EPN1: variants seen among roughly 807,000 people sequenced by gnomAD.
EPN1 encodes the protein epsin-1.
EPN1 carries 25 observed loss-of-function variants against 56.9 expected under a neutral mutation model. That is an observed-to-expected ratio of 0.44 (90% CI 0.32 to 0.61). EPN1 has a LOEUF of 0.61. EPN1 is among the 20% of genes least tolerant of loss of function. EPN1 has a pLI of 0.05. For synonymous variants in EPN1, 411 were observed against 361.8 expected, an observed-to-expected ratio of 1.14 and a Z score of -1.54; for missense variants, 785 against 823.7, an observed-to-expected ratio of 0.95 and a Z score of 0.58.
In EPN1 at chr19:55,698,040, T is replaced by C. The variant is rs909875334; in HGVS notation, c.*2684T>C. On this transcript the variant is annotated 3_prime_UTR_variant, in exon 11 of 11. Coordinates refer to ENST00000270460, the MANE Select transcript of EPN1 (RefSeq NM_001130072.2). The stretch of plus-strand genomic sequence containing the variant: ...CCGGGGGTTTTCGGCTAAACCCACC[T>C]AGCAGGATTCTTGCTGAAGGCAGGC... The C allele has an allele frequency of 1.3e-5, 2 of 148,896 alleles. No homozygotes were observed. Among genetic ancestry groups the C allele is most frequent in the African/African-American group, 5.0e-5 (2 of 40,106 alleles). 9.2% of individuals were successfully genotyped at this position (148,896 alleles called of 1,614,324 possible). A position where few individuals can be genotyped will look rare whatever the true frequency, so the allele number is the denominator to read the frequency against.
intron 6 of EPN1, among the ~76,000 whole-genome samples, chr19:55,690,973 A>C (rs1986504770): frequency 6.6e-6 from 1 of 151,750 alleles, no homozygotes; most frequent in Non-Finnish European, 1.5e-5. Context: ...CCTGCCCTGG[A>C]CTCAGCTCTT....
In EPN1 at chr19:55,678,518, C is replaced by G; in HGVS notation, c.-101-9C>G. ...ATTTGTGTTTCCAGAGGTCCTCTTC[C>G]CCTCGCAGATGCGGTGACCTGCCAG... On this transcript the variant is annotated splice_polypyrimidine_tract_variant and intron_variant, in intron 1 of 10. Transcript: ENST00000270460. 1 of 1,536,994 alleles carries G rather than the reference C, an allele frequency of 6.5e-7. No individual in the cohort carries two copies. The highest frequency in any genetic ancestry group is 1.4e-5 in the African/African-American group (1 of 73,098).
Position 55,689,540 on chromosome 19 carries a change from C to A in EPN1, c.678+169C>A, listed in dbSNP as rs1424209572. 1.3e-5 allele frequency among the ~76,000 whole-genome samples: 2 copies of A among 152,214 alleles called. No individual in the cohort carries two copies. Among genetic ancestry groups the A allele is most frequent in the Non-Finnish European group, 2.9e-5 (2 of 68,050 alleles). ...GTAGGATGTAGGACCACAAGTCAGA[C>A]AGAGCCTGGGTGGTGGCCAGCACAG... is the stretch of plus-strand genomic sequence containing the variant. On this transcript the variant is annotated intron_variant, in intron 5 of 10. Coordinates refer to ENST00000270460, the MANE Select transcript of EPN1 (RefSeq NM_001130072.2). The surrounding 1 kb of genome is among the most constrained non-coding windows in gnomAD (Gnocchi z 5.7).
rs1987391645 is a variant in EPN1 at position 55,706,153 on chromosome 19, T to TCCTC, written c.*10799_*10802dup. ...GAGAACTTTGATTTCTTCTTCCTCC[T>TCCTC]CCTCCTCTCTTTTCTTCTTCCTCTT... On this transcript the variant is annotated 3_prime_UTR_variant, in exon 11 of 11. Coordinates refer to ENST00000270460, the MANE Select transcript of EPN1 (RefSeq NM_001130072.2). The TCCTC allele has an allele frequency of 5.2e-6, 1 of 191,114 alleles. No homozygotes were observed. The allele number at this position is 191,114 out of a possible 1,614,324, so 11.8% of individuals were successfully genotyped here.
rs1986673394 is a variant in EPN1 at position 55,692,986 on chromosome 19, T to C, written c.1213T>C (p.Ser405Pro). The change falls in exon 9 of 11, where the codon TCT becomes CCT. Residue 405 changes from serine (S) to proline (P), a missense_variant. By Grantham distance (74) the Ser-to-Pro change is moderately conservative. This residue lies in a region of EPN1 where 650 missense variants were observed against 605.0 expected (regional missense o/e 1.07). Transcript: ENST00000270460. ...GGFDTEPDEF[S>P]DFDRLRTALP... ...ATTCGACACGGAGCCCGACGAGTTC[T>C]CTGACTTTGACCGACTCCGCACGGC... 4.3e-6 allele frequency: 7 copies of C among 1,613,482 alleles called. No individual in the cohort carries two copies. In the East Asian group the frequency reaches 1.6e-4, roughly 36 times the overall value.
At chr19:55,677,290 G>T in intron 1 of EPN1, 1 of 912,494 alleles carries the variant, frequency 1.1e-6, no homozygotes, top group South Asian at 1.4e-5. Flanking sequence ...TATGAATCAT[G>T]GGGTTGTTTC....
intron 2 of EPN1, among the ~76,000 whole-genome samples, 154 bp from the exon 3 acceptor site, chr19:55,685,242 G>A (rs371489421): frequency 5.3e-5 from 8 of 152,260 alleles, no homozygotes; most frequent in Non-Finnish European, 8.8e-5. Flanking sequence ...TGGCCGTGTC[G>A]TATTCTGTGG....
chr19:55,691,786 G>A lies in EPN1; in HGVS notation c.795G>A (p.Thr265=), dbSNP rs746252779. The part of the protein sequence containing the change: ...SSLMDLADVF[T]APAPAPTTDP... ...TCATGGACCTTGCTGACGTCTTCACGGCCCCAGCTCCTGCCCCGACCACAG... is the reference window on the plus strand; with the variant it reads ...TCATGGACCTTGCTGACGTCTTCACAGCCCCAGCTCCTGCCCCGACCACAG... The change falls in exon 7 of 11, where the codon ACG becomes ACA. Residue 265 remains threonine, a synonymous_variant. Coordinates refer to ENST00000270460, the MANE Select transcript of EPN1 (RefSeq NM_001130072.2). The surrounding 1 kb of genome is among the most constrained non-coding windows in gnomAD (Gnocchi z 5.6). The A allele has an allele frequency of 9.9e-6, 16 of 1,612,534 alleles. No homozygotes were observed. The South Asian group carries it at 1.6e-4, about 17-fold the overall frequency.
In EPN1 at chr19:55,689,940, G is replaced by A. The variant is rs1195937289; in HGVS notation, c.752G>A (p.Gly251Asp). 1.2e-6 allele frequency: 2 copies of A among 1,601,054 alleles called. No homozygotes were observed. Among genetic ancestry groups the A allele is most frequent in the Admixed American group, 1.7e-5 (1 of 58,064 alleles). Residue 251 changes from glycine to aspartate, a missense_variant, in exon 6 of 11, where the codon GGC becomes GAC. By Grantham distance (94) the Gly-to-Asp change is moderately conservative. Coordinates refer to ENST00000270460, the MANE Select transcript of EPN1 (RefSeq NM_001130072.2). The surrounding 1 kb of genome is among the most constrained non-coding windows in gnomAD (Gnocchi z 5.7). ...GAGGAGAGCAAGAGGGAGACTGGGGGCAAGGAGGAGGTGAGCGGGGCTTGT... is the reference window on the plus strand; with the variant it reads ...GAGGAGAGCAAGAGGGAGACTGGGGACAAGGAGGAGGTGAGCGGGGCTTGT... ...AIEESKRETG[G>D]KEESSLMDLA...
intron 1 of EPN1, chr19:55,677,638 G>A: frequency 6.4e-7 from 1 of 1,551,644 alleles, no homozygotes; most frequent in South Asian, 1.2e-5. Context: ...CCCAGGCAGT[G>A]GGGCTGTTAG....
rs763683773 is a variant in EPN1, at chr19:55,694,859, C to T, written c.1398C>T (p.Pro466=). 1 of 1,608,032 alleles carries T rather than the reference C, an allele frequency of 6.2e-7. No homozygotes were observed. The highest frequency in any genetic ancestry group is 1.3e-5 in the African/African-American group (1 of 74,796). Residue 466 remains proline, a synonymous_variant, in exon 10 of 11, where the codon CCC becomes CCT. Transcript: ENST00000270460. This position sits in a 1 kb window ranked among gnomAD's most constrained non-coding sequence, Gnocchi z 4.2. The part of the protein sequence containing the change: ...PPAATPTPTP[P]TRKTPESFLG... ...CAGCCACACCAACTCCCACGCCCCC[C>T]ACCCGGAAGACGCCGGAGTCATTCC...
chr19:55,690,338 C>T (rs759328903), intron 6 of EPN1, among the ~76,000 whole-genome samples: 6 of 152,254 alleles, frequency 3.9e-5, no homozygotes, highest in Non-Finnish European at 5.9e-5. Context: ...GGTGCCAGGC[C>T]GTGTGCTGCA....
chr19:55,692,523 C>T (rs1310200101), intron 7 of EPN1, 163 bp from the exon 8 acceptor site: 6 of 503,872 alleles, frequency 1.2e-5, no homozygotes, highest in Non-Finnish European at 2.1e-5. Context: ...GCAGAGAAGC[C>T]CAGTTGGAAT....
At position 55,675,227 on chromosome 19, in the gene EPN1, T is replaced by G. The variant is rs1020364093; in HGVS notation, c.-310T>G. 1.3e-5 allele frequency: 2 copies of G among 151,964 alleles called. No individual in the cohort carries two copies. Among genetic ancestry groups the G allele is most frequent in the African/African-American group, 4.8e-5 (2 of 41,406 alleles). 9.4% of individuals were successfully genotyped at this position (151,964 alleles called of 1,614,324 possible). A position where few individuals can be genotyped will look rare whatever the true frequency, so the allele number is the denominator to read the frequency against. On this transcript the variant is annotated 5_prime_UTR_variant, in exon 1 of 11. Coordinates refer to ENST00000270460, the MANE Select transcript of EPN1 (RefSeq NM_001130072.2). ...CCGCTTCCGGTCCGTCGCCTCCTTC[T>G]GTTGCTTCCCGTCTCCTCGGCGGCT... is the stretch of plus-strand genomic sequence containing the variant.
Position 55,696,829 on chromosome 19 carries a change from G to A in EPN1, c.*1473G>A, listed in dbSNP as rs1255863537. On this transcript the variant is annotated 3_prime_UTR_variant, in exon 11 of 11. Coordinates refer to ENST00000270460, the MANE Select transcript of EPN1 (RefSeq NM_001130072.2). Reference sequence around the variant, plus strand: ...AGAGCAAAAGGAGTGCTGTTGGGGTGATGTGAGGTTGGGGTTCTGTTTCTT... The same window carrying A: ...AGAGCAAAAGGAGTGCTGTTGGGGTAATGTGAGGTTGGGGTTCTGTTTCTT... 1 of 152,626 alleles carries A rather than the reference G, an allele frequency of 6.6e-6. No homozygotes were observed. The highest frequency in any genetic ancestry group is 2.4e-5 in the African/African-American group (1 of 41,486). The allele number at this position is 152,626 out of a possible 1,614,324, so 9.5% of individuals were successfully genotyped here.
chr19:55,690,528 G>A (rs1166382251), intron 6 of EPN1, among the ~76,000 whole-genome samples: 3 of 152,226 alleles, frequency 2.0e-5, no homozygotes, highest in Non-Finnish European at 4.4e-5. Flanking sequence ...TCATGGCTGA[G>A]GTCACTCATG....
At chr19:55,686,800 G>GAGGCAGGC (rs764150477) in intron 3 of EPN1, among the ~76,000 whole-genome samples, 10 of 151,998 alleles carry the variant, frequency 6.6e-5, no homozygotes, top group Non-Finnish European at 7.4e-5. Flanking sequence ...TGGTCAGCTC[G>GAGGCAGGC]AGGCAGGCAG....
At chr19:55,690,496 C>G (rs985333267) in intron 6 of EPN1, among the ~76,000 whole-genome samples, 2 of 152,256 alleles carry the variant, frequency 1.3e-5, no homozygotes, top group Non-Finnish European at 2.9e-5. Flanking sequence ...CTGTGACGGG[C>G]CCGCTGGCTG....
In EPN1 at chr19:55,704,314, A is replaced by G. The variant is rs1250507430; in HGVS notation, c.*8958A>G. 1 of 152,084 alleles carries G rather than the reference A, an allele frequency of 6.6e-6. No individual in the cohort carries two copies. Among genetic ancestry groups the G allele is most frequent in the Non-Finnish European group, 1.5e-5 (1 of 68,130 alleles). 9.4% of individuals were successfully genotyped at this position (152,084 alleles called of 1,614,324 possible). A position where few individuals can be genotyped will look rare whatever the true frequency, so the allele number is the denominator to read the frequency against. On this transcript the variant is annotated 3_prime_UTR_variant, in exon 11 of 11. Transcript: ENST00000270460. ...GTTGAAACCCTACCCCCCACCCTGC[A>G]CCGACCCCGTACCCCAGAATGGGGC...
Sources: allele counts gnomAD v4.1 joint callset (sites outside exome capture counted in the v4.1 genomes callset), GRCh38; gene constraint gnomAD v4.1.1; regional missense constraint gnomAD v4.1.1; non-coding constraint Gnocchi (gnomAD v3.1); transcripts MANE v1.5; gene names NCBI Gene and HGNC (gene_info 2026-07-23, HGNC 2026-07-21).